SIPA1L1: variants seen among roughly 807,000 people sequenced by gnomAD.
The protein encoded by SIPA1L1 is signal induced proliferation associated 1 like 1, also known as signal-induced proliferation-associated 1-like protein 1.
SIPA1L1 carries 26 observed loss-of-function variants against 162.7 expected under a neutral mutation model. The ratio of observed to expected loss-of-function variants is 0.16; its 90% CI spans 0.12 to 0.22. The LOEUF (loss-of-function observed/expected upper bound fraction) is 0.22, where lower values mean the gene tolerates loss of function less well. Ranked by LOEUF, SIPA1L1 falls within the 10% of genes least tolerant of loss-of-function variation. SIPA1L1 has a pLI of 1.00. For missense variants in SIPA1L1, 1,874 were observed against 2,241.0 expected (o/e 0.84, Z 3.31); for synonymous variants, 829 against 837.4 (o/e 0.99, Z 0.17).
intron 2 of SIPA1L1, among the ~76,000 whole-genome samples, chr14:71,331,107 A>G (rs1361499848): frequency 6.6e-6 from 1 of 152,110 alleles, no homozygotes. Flanking sequence ...ACTTTTATTC[A>G]TTTGCATGTG....
At position 71,723,859 on chromosome 14, in the gene SIPA1L1, A is replaced by G; in HGVS notation, c.4421A>G (p.Asn1474Ser). The G allele has an allele frequency of 6.2e-7, 1 of 1,614,050 alleles. No homozygotes were observed. The highest frequency in any genetic ancestry group is 8.5e-7 in the Non-Finnish European group (1 of 1,180,004). ...IGWKKPEGTI[N>S]SVGFMDTRKR... ...TGGAAAAAACCCGAAGGAACCATAAACTCCGTGGGATTTATGGACACGAGA... is the reference window on the plus strand; with the variant it reads ...TGGAAAAAACCCGAAGGAACCATAAGCTCCGTGGGATTTATGGACACGAGA... The change falls in exon 18 of 24, where the codon AAC (asparagine) becomes AGC (serine). Residue 1474 changes from asparagine (N) to serine (S), a missense_variant. Physicochemically the swap from Asn to Ser is conservative, Grantham distance 46. Around this residue, in one of 5 missense-constraint regions of SIPA1L1, gnomAD observed 936 missense variants for 1,051.9 expected, o/e 0.89. Transcript: ENST00000381232.
At chr14:71,520,662 G>GA (rs2052241106) in intron 3 of SIPA1L1, among the ~76,000 whole-genome samples, 1 of 152,166 alleles carries the variant, frequency 6.6e-6, no homozygotes, top group South Asian at 2.1e-4. Flanking sequence ...TTACATGCAT[G>GA]ATAGTTCATG....
chr14:71,434,326 T>C (rs995326140), intron 2 of SIPA1L1, among the ~76,000 whole-genome samples: 5 of 152,242 alleles, frequency 3.3e-5, no homozygotes, highest in African/African-American at 1.2e-4. Context: ...TTGATGTTTC[T>C]TATTAGCAAT....
At chr14:71,734,454 TA>T (rs1289738207) in intron 21 of SIPA1L1, among the ~76,000 whole-genome samples, 1 of 152,254 alleles carries the variant, frequency 6.6e-6, no homozygotes, top group Non-Finnish European at 1.5e-5. Context: ...GACTTTTTTC[TA>T]AGTTTAAAGA....
intron 2 of SIPA1L1, among the ~76,000 whole-genome samples, chr14:71,372,365 C>G (rs1400925859): frequency 2.6e-5 from 4 of 152,110 alleles, no homozygotes; most frequent in Admixed American, 2.0e-4. Flanking sequence ...GATTAATTTA[C>G]TTGAATAGAC....
At chr14:71,425,553 C>T (rs1595395603) in intron 2 of SIPA1L1, among the ~76,000 whole-genome samples, 1 of 152,120 alleles carries the variant, frequency 6.6e-6, no homozygotes, top group African/African-American at 2.4e-5. Flanking sequence ...TTTCTAACTT[C>T]ATCGTGTTGT....
intron 2 of SIPA1L1, among the ~76,000 whole-genome samples, chr14:71,417,438 C>T (rs1398257762): frequency 1.8e-5 from 2 of 109,526 alleles, no homozygotes; most frequent in Non-Finnish European, 3.5e-5. Context: ...CGCCACTGCA[C>T]TCCAGCCTGG....
chr14:71,351,281 A>G (rs1185306529), intron 2 of SIPA1L1, among the ~76,000 whole-genome samples: 3 of 152,190 alleles, frequency 2.0e-5, no homozygotes, highest in Non-Finnish European at 4.4e-5. Context: ...GCAGTGATGG[A>G]AAAAAGTTGA....
At chr14:71,725,542 T>C (rs766708423) in intron 19 of SIPA1L1, among the ~76,000 whole-genome samples, 6 of 152,210 alleles carry the variant, frequency 3.9e-5, no homozygotes, top group Non-Finnish European at 5.9e-5. Flanking sequence ...GTGTACGTTT[T>C]TGTGTTGTCC....
intron 17 of SIPA1L1, among the ~76,000 whole-genome samples, chr14:71,712,623 G>A (rs539549360): frequency 2.0e-5 from 3 of 152,196 alleles, no homozygotes; most frequent in East Asian, 3.9e-4. Flanking sequence ...TCTTCTTAGC[G>A]TTCTGGCCTT....
In SIPA1L1 at chr14:71,605,192, G is replaced by A. The variant is rs182570555; in HGVS notation, c.1499-13565G>A. On this transcript the variant is annotated intron_variant, in intron 5 of 23. Transcript: ENST00000381232. ...TTGTTGTTGCTTTCAAATGTATTTT[G>A]TATTTCATTCAATGAATTCCTCACT... Among the ~76,000 whole-genome samples, 328 of 151,586 alleles carry A rather than the reference G, an allele frequency of 2.2e-3. 6 individuals carry two copies. Among genetic ancestry groups the A allele is most frequent in the Non-Finnish European group, 1.0e-3 (69 of 67,832 alleles).
chr14:71,636,142 G>T (rs969954883), intron 7 of SIPA1L1, among the ~76,000 whole-genome samples: 1 of 152,110 alleles, frequency 6.6e-6, no homozygotes, highest in Non-Finnish European at 1.5e-5. Context: ...TTCAACAATG[G>T]AAAGGAAAAC....
At chr14:71,620,944 A>C (rs2039371550) in intron 6 of SIPA1L1, among the ~76,000 whole-genome samples, 1 of 152,038 alleles carries the variant, frequency 6.6e-6, no homozygotes, top group South Asian at 2.1e-4. Context: ...AACCATTACC[A>C]CTTGTTTTTT....
intron 5 of SIPA1L1, among the ~76,000 whole-genome samples, chr14:71,615,004 T>G (rs2038671078): frequency 6.6e-6 from 1 of 152,210 alleles, no homozygotes; most frequent in Non-Finnish European, 1.5e-5. Flanking sequence ...TAATAATTTG[T>G]GTTGTTATGA....
chr14:71,533,502 C>A (rs1447640331), intron 4 of SIPA1L1, among the ~76,000 whole-genome samples: 1 of 152,160 alleles, frequency 6.6e-6, no homozygotes, highest in Non-Finnish European at 1.5e-5. Flanking sequence ...TGTGAATAAA[C>A]CCTTATTTTC....
intron 13 of SIPA1L1, among the ~76,000 whole-genome samples, chr14:71,693,246 C>T (rs2081374530): frequency 6.6e-6 from 1 of 152,216 alleles, no homozygotes; most frequent in Non-Finnish European, 1.5e-5. Flanking sequence ...GTGGCTCACA[C>T]TGGTAATCCC....
At chr14:71,653,446 T>C (rs1453323951) in intron 8 of SIPA1L1, among the ~76,000 whole-genome samples, 2 of 152,206 alleles carry the variant, frequency 1.3e-5, no homozygotes, top group African/African-American at 4.8e-5. Context: ...TCATCTGATA[T>C]TTCTTTCTCT....
chr14:71,510,007 C>A (rs531516486), intron 2 of SIPA1L1, among the ~76,000 whole-genome samples: 2 of 152,010 alleles, frequency 1.3e-5, no homozygotes, highest in Non-Finnish European at 1.5e-5. Flanking sequence ...CACAAGTGCC[C>A]CCACTTTGAT....
chr14:71,433,526 C>T (rs897788368), intron 2 of SIPA1L1, among the ~76,000 whole-genome samples: 2 of 152,066 alleles, frequency 1.3e-5, no homozygotes, highest in African/African-American at 2.4e-5. Flanking sequence ...CATGTTACCT[C>T]GGCTGGTCTC....
Sources: allele counts gnomAD v4.1 joint callset (sites outside exome capture counted in the v4.1 genomes callset), GRCh38; gene constraint gnomAD v4.1.1; regional missense constraint gnomAD v4.1.1; transcripts MANE v1.5; gene names NCBI Gene and HGNC (gene_info 2026-07-23, HGNC 2026-07-21).